Variants in COL8A1 observed in about 807,000 individuals in gnomAD.
COL8A1 encodes the protein collagen alpha-1(VIII) chain.
COL8A1 carries 21 observed loss-of-function variants against 42.7 expected under a neutral mutation model. That is an observed-to-expected ratio of 0.49 (90% confidence interval 0.35 to 0.71). The LOEUF (loss-of-function observed/expected upper bound fraction) is 0.71, where lower values mean the gene tolerates loss of function less well. Ranked by LOEUF, COL8A1 falls within the 30% of genes least tolerant of loss-of-function variation. The pLI is 0.01. For missense variants in COL8A1, 788 were observed against 962.4 expected (o/e 0.82, Z 2.40); for synonymous variants, 367 against 369.1 (o/e 0.99, Z 0.06).
chr3:99,773,837 ATTTTTTTTT>A (rs1172723632), intron 2 of COL8A1, among the ~76,000 whole-genome samples: 4 of 45,398 alleles, frequency 8.8e-5, no homozygotes, highest in African/African-American at 3.8e-4. Context: ...ATATATATAT[ATTTTTTTTT>A]TTTTTTTTTT....
At chr3:99,673,924 A>G (rs1938616771) in intron 1 of COL8A1, among the ~76,000 whole-genome samples, 1 of 152,082 alleles carries the variant, frequency 6.6e-6, no homozygotes, top group Non-Finnish European at 1.5e-5. Flanking sequence ...GGGCTAAATA[A>G]GTTATTACAC....
chr3:99,661,057 A>C lies in COL8A1; in HGVS notation c.-129+22393A>C, dbSNP rs1012471088. Among the ~76,000 whole-genome samples the C allele has an allele frequency of 7.9e-5, 12 of 152,222 alleles. No individual in the cohort carries two copies. The East Asian group carries it at 2.3e-3, about 29-fold the overall frequency. ...GGTGAATTAGTAATTCCACCCTAAG[A>C]AGCTATCCTTCTCACATGTAAGATA... On this transcript the variant is annotated intron_variant, in intron 1 of 3. Coordinates refer to ENST00000652472, the MANE Select transcript of COL8A1 (RefSeq NM_020351.4).
At chr3:99,742,326 T>C (rs1940920295) in intron 1 of COL8A1, among the ~76,000 whole-genome samples, 1 of 152,228 alleles carries the variant, frequency 6.6e-6, no homozygotes, top group Non-Finnish European at 1.5e-5. Flanking sequence ...TAATTCTTGC[T>C]TAGTACTGTG....
chr3:99,681,150 A>T (rs147746572), intron 1 of COL8A1, among the ~76,000 whole-genome samples: 2 of 152,254 alleles, frequency 1.3e-5, no homozygotes, highest in Admixed American at 6.5e-5. Flanking sequence ...AGATCTAATT[A>T]AACTAAAGAG....
At chr3:99,645,396 G>A (rs1197012605) in intron 1 of COL8A1, among the ~76,000 whole-genome samples, 1 of 152,138 alleles carries the variant, frequency 6.6e-6, no homozygotes, top group Non-Finnish European at 1.5e-5. Context: ...TTGGAAGAAT[G>A]AGGAAAGAAA....
At chr3:99,792,295 A>G (rs1453169043) in intron 3 of COL8A1, among the ~76,000 whole-genome samples, 7 of 152,154 alleles carry the variant, frequency 4.6e-5, no homozygotes, top group African/African-American at 7.2e-5. Context: ...ATGGATCCTC[A>G]TATCTCGAAA....
At position 99,797,091 on chromosome 3, in the gene COL8A1, G is replaced by T. The variant is rs910267869; in HGVS notation, c.*955G>T. The stretch of plus-strand genomic sequence containing the variant: ...TTCCAAATTTGTGGAATATTTATTT[G>T]TAATAGCAGTTATCAGTTATGCTTA... On this transcript the variant is annotated 3_prime_UTR_variant, in exon 4 of 4. Transcript: ENST00000652472. The T allele has an allele frequency of 6.6e-6, 1 of 152,080 alleles. No individual in the cohort carries two copies. Among genetic ancestry groups the T allele is most frequent in the Non-Finnish European group, 1.5e-5 (1 of 68,016 alleles). 9.4% of individuals were successfully genotyped at this position (152,080 alleles called of 1,614,324 possible). A position where few individuals can be genotyped will look rare whatever the true frequency, so the allele number is the denominator to read the frequency against.
chr3:99,729,933 C>T (rs1175586399), intron 1 of COL8A1, among the ~76,000 whole-genome samples: 4 of 152,078 alleles, frequency 2.6e-5, no homozygotes, highest in Non-Finnish European at 5.9e-5. Flanking sequence ...CCTATGGAAA[C>T]CTTGTGCCCA....
At chr3:99,739,096 G>A (rs1012771804) in intron 1 of COL8A1, among the ~76,000 whole-genome samples, 32 of 152,116 alleles carry the variant, frequency 2.1e-4, no homozygotes, top group South Asian at 6.2e-4. Flanking sequence ...TGCACGGTGC[G>A]CGCACCCACT....
rs148060400 is a variant in COL8A1 at position 99,784,382 on chromosome 3, T to C, written c.-3-6298T>C. On this transcript the variant is annotated intron_variant, in intron 2 of 3. Coordinates refer to ENST00000652472, the MANE Select transcript of COL8A1 (RefSeq NM_020351.4). ...ATATGGGATTAATGATATAAAGTAT[T>C]TGAAGTATAGTTATGTGTCATTTAA... 7.8e-3 allele frequency among the ~76,000 whole-genome samples: 1,185 copies of C among 152,314 alleles called. 22 individuals carry two copies. The highest frequency in any genetic ancestry group is 0.026 in the African/African-American group (1,089 of 41,550).
At chr3:99,765,335 A>C (rs979336161) in intron 2 of COL8A1, among the ~76,000 whole-genome samples, 2 of 152,176 alleles carry the variant, frequency 1.3e-5, no homozygotes, top group African/African-American at 4.8e-5. Context: ...AATGAACTTC[A>C]CAATCCCCAG....
intron 3 of COL8A1, among the ~76,000 whole-genome samples, chr3:99,792,889 G>T (rs1372419256): frequency 2.0e-5 from 3 of 152,174 alleles, no homozygotes; most frequent in African/African-American, 7.2e-5. Flanking sequence ...CTAAAGGAGA[G>T]ATGTGGAAAG....
chr3:99,766,252 C>T lies in COL8A1; in HGVS notation c.-4+21231C>T, dbSNP rs536701173. On this transcript the variant is annotated intron_variant, in intron 2 of 3. Coordinates refer to ENST00000652472, the MANE Select transcript of COL8A1 (RefSeq NM_020351.4). ...TCATGCTAAGATATGGCTGTGTATT[C>T]CCTAAGGTTACACAGCTGATCAGTG... is the stretch of plus-strand genomic sequence containing the variant. Among the ~76,000 whole-genome samples, 6 of 152,292 alleles carry T rather than the reference C, an allele frequency of 3.9e-5. No individual in the cohort carries two copies. In the South Asian group the frequency reaches 1.2e-3, roughly 32 times the overall value.
chr3:99,729,645 T>C (rs539309603), intron 1 of COL8A1, among the ~76,000 whole-genome samples: 19 of 152,164 alleles, frequency 1.2e-4, no homozygotes, highest in African/African-American at 4.3e-4. Context: ...TCTTTAGAAA[T>C]GGATGTCATA....
intron 2 of COL8A1, among the ~76,000 whole-genome samples, chr3:99,764,864 C>T (rs962987870): frequency 2.0e-5 from 3 of 151,812 alleles, no homozygotes; most frequent in South Asian, 2.1e-4. Context: ...ATGTAAAGTG[C>T]TTTTAACAGT....
chr3:99,695,416 T>C (rs1320990906), intron 1 of COL8A1, among the ~76,000 whole-genome samples: 2 of 152,192 alleles, frequency 1.3e-5, no homozygotes, highest in Non-Finnish European at 2.9e-5. Flanking sequence ...TGGTCTCTTG[T>C]TTTTTGTATC....
At chr3:99,764,031 G>T (rs1941413253) in intron 2 of COL8A1, among the ~76,000 whole-genome samples, 1 of 152,116 alleles carries the variant, frequency 6.6e-6, no homozygotes, top group East Asian at 1.9e-4. Flanking sequence ...TGTTTCGTTG[G>T]CTGACCCAGG....
chr3:99,712,067 G>T (rs1350519318), intron 1 of COL8A1, among the ~76,000 whole-genome samples: 1 of 152,080 alleles, frequency 6.6e-6, no homozygotes, highest in African/African-American at 2.4e-5. Flanking sequence ...AAAACCTGTA[G>T]TTCTTGGAAA....
chr3:99,667,448 T>C (rs1184471133), intron 1 of COL8A1, among the ~76,000 whole-genome samples: 2 of 152,166 alleles, frequency 1.3e-5, no homozygotes, highest in Non-Finnish European at 2.9e-5. Context: ...TGTTGTTGTG[T>C]ATGTTAGAGA....
Sources: gnomAD v4.1 joint callset for allele counts (sites outside exome capture counted in the v4.1 genomes callset) on GRCh38, gnomAD v4.1.1 for gene constraint, MANE v1.5 for transcripts, NCBI Gene and HGNC (gene_info 2026-07-23, HGNC 2026-07-21) for gene names.